Variants in HS3ST3A1 observed in about 807,000 individuals in gnomAD.
The protein encoded by HS3ST3A1 is heparan sulfate-glucosamine 3-sulfotransferase 3A1.
In HS3ST3A1, 19 loss-of-function variants were observed where a neutral mutation model predicts 25.7. The ratio of observed to expected loss-of-function variants is 0.74; its 90% CI spans 0.52 to 1.08. The LOEUF (loss-of-function observed/expected upper bound fraction) is 1.08, where lower values mean the gene tolerates loss of function less well. Among genes scored for constraint, HS3ST3A1 ranks in the 50% least tolerant of loss-of-function variants. The probability of loss-of-function intolerance (pLI) is 0.00; values close to 1 mark genes in which losing one functional copy is unlikely to be tolerated. For synonymous variants in HS3ST3A1, 226 were observed against 278.6 expected, an observed-to-expected ratio of 0.81 and a Z score of 1.88; for missense variants, 459 against 594.3, an observed-to-expected ratio of 0.77 and a Z score of 2.37.
chr17:13,585,535 A>T (rs1908235875), intron 1 of HS3ST3A1, among the ~76,000 whole-genome samples: 1 of 149,666 alleles, frequency 6.7e-6, no homozygotes, highest in African/African-American at 2.5e-5. Context: ...TTTAAAATGC[A>T]TTTCAAAGTA....
chr17:13,556,280 G>T (rs1220236781), intron 1 of HS3ST3A1, among the ~76,000 whole-genome samples: 1 of 152,070 alleles, frequency 6.6e-6, no homozygotes, highest in Non-Finnish European at 1.5e-5. Flanking sequence ...GGCCGGGGCG[G>T]GCAGATCACG....
intron 1 of HS3ST3A1, among the ~76,000 whole-genome samples, chr17:13,522,730 A>T (rs544201373): frequency 6.6e-6 from 1 of 152,266 alleles, no homozygotes; most frequent in South Asian, 2.1e-4. Flanking sequence ...GGGCATATGC[A>T]TGAACACATA....
At chr17:13,512,305 C>CA (rs67523378) in intron 1 of HS3ST3A1, among the ~76,000 whole-genome samples, 3,672 of 81,840 alleles carry the variant, frequency 0.045, 170 homozygotes, top group Non-Finnish European at 0.051. Flanking sequence ...GACTCCGTCT[C>CA]AAAAAAAAAA....
chr17:13,587,779 A>G (rs1222366552), intron 1 of HS3ST3A1, among the ~76,000 whole-genome samples: 3 of 152,230 alleles, frequency 2.0e-5, no homozygotes, highest in Admixed American at 2.0e-4. Context: ...TGTCTATTTC[A>G]AAACAGAATA....
intron 1 of HS3ST3A1, among the ~76,000 whole-genome samples, chr17:13,555,267 C>T (rs1907342788): frequency 1.3e-5 from 2 of 152,142 alleles, no homozygotes; most frequent in African/African-American, 4.8e-5. Context: ...TTTTTATAAA[C>T]CTACCGTGTT....
At chr17:13,550,000 G>A (rs537091540) in intron 1 of HS3ST3A1, among the ~76,000 whole-genome samples, 4 of 152,150 alleles carry the variant, frequency 2.6e-5, no homozygotes, top group Non-Finnish European at 5.9e-5. Context: ...AGATATTGGG[G>A]GAATATAAGG....
At chr17:13,521,820 C>G (rs951128052) in intron 1 of HS3ST3A1, among the ~76,000 whole-genome samples, 5 of 152,184 alleles carry the variant, frequency 3.3e-5, no homozygotes, top group Admixed American at 1.3e-4. Context: ...GGATACAACT[C>G]TTTAGATAGG....
intron 1 of HS3ST3A1, among the ~76,000 whole-genome samples, chr17:13,568,480 C>T (rs1030121174): frequency 3.3e-5 from 5 of 152,138 alleles, no homozygotes; most frequent in African/African-American, 1.2e-4. Flanking sequence ...GAGTTTTTAA[C>T]TTCAACATTT....
At chr17:13,560,091 A>T (rs558086000) in intron 1 of HS3ST3A1, among the ~76,000 whole-genome samples, 1 of 151,622 alleles carries the variant, frequency 6.6e-6, no homozygotes, top group Non-Finnish European at 1.5e-5. Flanking sequence ...GGAGTTCAAG[A>T]CCAGCCTGGC....
chr17:13,572,159 T>C (rs137883558), intron 1 of HS3ST3A1, among the ~76,000 whole-genome samples: 69 of 152,298 alleles, frequency 4.5e-4, no homozygotes, highest in African/African-American at 1.7e-3. Flanking sequence ...TCTTCATCTC[T>C]CTCCTTACCA....
chr17:13,582,587 C>T (rs2142383947), intron 1 of HS3ST3A1, among the ~76,000 whole-genome samples: 1 of 152,288 alleles, frequency 6.6e-6, no homozygotes, highest in South Asian at 2.1e-4. Context: ...ATAATCTGTC[C>T]ACTGATGTGG....
chr17:13,555,241 C>G (rs1441660325), intron 1 of HS3ST3A1, among the ~76,000 whole-genome samples: 1 of 152,146 alleles, frequency 6.6e-6, no homozygotes, highest in Non-Finnish European at 1.5e-5. Context: ...TCCAGGAAGT[C>G]TTTCGCAAAC....
At chr17:13,584,198 T>C (rs186124906) in intron 1 of HS3ST3A1, among the ~76,000 whole-genome samples, 2 of 152,252 alleles carry the variant, frequency 1.3e-5, no homozygotes, top group East Asian at 3.9e-4. Flanking sequence ...CAAGCAAGTA[T>C]TCAAAAAATG....
At chr17:13,580,743 T>C (rs1296664851) in intron 1 of HS3ST3A1, among the ~76,000 whole-genome samples, 1 of 151,886 alleles carries the variant, frequency 6.6e-6, no homozygotes, top group East Asian at 1.9e-4. Flanking sequence ...AATACAAAAT[T>C]AGCCGGACGT....
chr17:13,530,774 C>T (rs1016922438), intron 1 of HS3ST3A1, among the ~76,000 whole-genome samples: 1 of 152,114 alleles, frequency 6.6e-6, no homozygotes, highest in South Asian at 2.1e-4. Flanking sequence ...GCAACTCAAT[C>T]GCTCAGTTTT....
intron 1 of HS3ST3A1, among the ~76,000 whole-genome samples, chr17:13,587,079 A>G (rs1386329586): frequency 1.3e-5 from 2 of 151,852 alleles, no homozygotes; most frequent in African/African-American, 4.8e-5. Flanking sequence ...GAAAGTTGAA[A>G]TTACATATAA....
intron 1 of HS3ST3A1, among the ~76,000 whole-genome samples, chr17:13,561,011 C>T (rs1907532412): frequency 1.3e-5 from 2 of 152,184 alleles, no homozygotes; most frequent in Admixed American, 6.5e-5. Context: ...TTGCTTCCAT[C>T]TCCCTCATTT....
chr17:13,501,376 A>AT (rs1490957958), intron 1 of HS3ST3A1, among the ~76,000 whole-genome samples: 2 of 152,270 alleles, frequency 1.3e-5, no homozygotes, highest in African/African-American at 4.8e-5. Flanking sequence ...TTTTACTACA[A>AT]TTTTTTTAAA....
chr17:13,562,462 G>A (rs1907575095), intron 1 of HS3ST3A1, among the ~76,000 whole-genome samples: 1 of 152,088 alleles, frequency 6.6e-6, no homozygotes, highest in Non-Finnish European at 1.5e-5. Context: ...TCCTGACATT[G>A]CAGCCCCCTC....
Sources: gnomAD v4.1 joint callset for allele counts (sites outside exome capture counted in the v4.1 genomes callset) on GRCh38, gnomAD v4.1.1 for gene constraint, MANE v1.5 for transcripts, NCBI Gene and HGNC (gene_info 2026-07-23, HGNC 2026-07-21) for gene names.